The following CYB5B variants were observed in gnomAD, a reference collection of about 807,000 sequenced individuals.
CYB5B encodes the protein cytochrome b5 type B (outer mitochondrial membrane).
In CYB5B, 14 loss-of-function variants were observed where a neutral mutation model predicts 21.3. The observed-to-expected ratio is 0.66, with a 90% CI of 0.43 to 1.03. CYB5B has a LOEUF of 1.03. Ranked by LOEUF, CYB5B falls within the 50% of genes least tolerant of loss-of-function variation. The probability of loss-of-function intolerance (pLI) is 0.00; values close to 1 mark genes in which losing one functional copy is unlikely to be tolerated. For synonymous variants in CYB5B, 69 were observed against 68.4 expected (o/e 1.01, Z -0.04); for missense variants, 166 against 185.1 (o/e 0.90, Z 0.60).
intron 4 of CYB5B, among the ~76,000 whole-genome samples, chr16:69,460,401 A>C (rs1264207058): frequency 1.3e-5 from 2 of 152,252 alleles, no homozygotes; most frequent in Non-Finnish European, 2.9e-5. Context: ...ACAGAAAAGG[A>C]AACACAAATG....
intron 4 of CYB5B, among the ~76,000 whole-genome samples, chr16:69,460,189 G>A (rs1006104973): frequency 2.0e-5 from 3 of 151,510 alleles, no homozygotes; most frequent in African/African-American, 4.9e-5. Context: ...AGCCAAGATC[G>A]CTCCATTGCA....
intron 3 of CYB5B, chr16:69,448,417 AT>A: frequency 2.3e-6 from 1 of 429,150 alleles, no homozygotes; most frequent in East Asian, 4.3e-5. Flanking sequence ...TTTGAAAGAA[AT>A]TAGTTTATGG....
At chr16:69,435,330 G>A (rs1251828554) in intron 1 of CYB5B, among the ~76,000 whole-genome samples, 1 of 152,140 alleles carries the variant, frequency 6.6e-6, no homozygotes, top group Non-Finnish European at 1.5e-5. Context: ...ATACAAAATT[G>A]CATTTAATAC....
intron 3 of CYB5B, among the ~76,000 whole-genome samples, chr16:69,455,430 C>A: frequency 1.4e-5 from 2 of 138,052 alleles, no homozygotes; most frequent in African/African-American, 2.7e-5. Flanking sequence ...GGTGGGGGGA[C>A]GAAATCTCAC....
rs2014909086 is a variant in CYB5B at position 69,449,281 on chromosome 16, T to C, written c.333+1137T>C. On this transcript the variant is annotated intron_variant, in intron 3 of 4. Coordinates refer to ENST00000307892, the MANE Select transcript of CYB5B (RefSeq NM_030579.3). ...TTCTTCCTGTCTCAAGCTCTCAGTG[T>C]CTTAGTTCCCCTTCCCTGGAGGTAA... 2.0e-5 allele frequency: 3 copies of C among 152,344 alleles called. No homozygotes were observed. In the South Asian group the frequency reaches 6.2e-4, roughly 32 times the overall value. 9.4% of individuals were successfully genotyped at this position (152,344 alleles called of 1,614,324 possible). A position where few individuals can be genotyped will look rare whatever the true frequency, so the allele number is the denominator to read the frequency against.
intron 3 of CYB5B, among the ~76,000 whole-genome samples, chr16:69,453,239 A>AT (rs2014953306): frequency 6.6e-6 from 1 of 151,898 alleles, no homozygotes; most frequent in Non-Finnish European, 1.5e-5. Context: ...TTAAAGTTAC[A>AT]TTTTTTCTCC....
chr16:69,457,279 A>G (rs1406687643), intron 3 of CYB5B, among the ~76,000 whole-genome samples: 2 of 152,342 alleles, frequency 1.3e-5, no homozygotes, highest in East Asian at 3.9e-4. Context: ...AGAGGCTAAA[A>G]GCTTTGAAAT....
At chr16:69,433,529 C>T (rs756806739) in intron 1 of CYB5B, among the ~76,000 whole-genome samples, 12 of 152,128 alleles carry the variant, frequency 7.9e-5, no homozygotes, top group Non-Finnish European at 1.6e-4. Context: ...TAACTGGCAT[C>T]CCTCCTCCTC....
At chr16:69,446,592 G>A (rs1341008241) in intron 1 of CYB5B, among the ~76,000 whole-genome samples, 1 of 152,172 alleles carries the variant, frequency 6.6e-6, no homozygotes, top group Admixed American at 6.5e-5. Context: ...CCAAAGTGCT[G>A]GGATTACAGG....
At chr16:69,442,822 A>G (rs557285822) in intron 1 of CYB5B, among the ~76,000 whole-genome samples, 1,331 of 128,508 alleles carry the variant, frequency 0.01, 15 homozygotes, top group African/African-American at 0.039. Flanking sequence ...GTGCCTAGCT[A>G]TCCTTTTTTT....
At chr16:69,439,974 T>C (rs1395125693) in intron 1 of CYB5B, among the ~76,000 whole-genome samples, 4 of 152,172 alleles carry the variant, frequency 2.6e-5, no homozygotes, top group African/African-American at 7.2e-5. Context: ...GCTCAAGCAA[T>C]CTTTCTGCCT....
intron 1 of CYB5B, among the ~76,000 whole-genome samples, chr16:69,434,940 G>T (rs1308310343): frequency 6.6e-6 from 1 of 151,590 alleles, no homozygotes; most frequent in Non-Finnish European, 1.5e-5. Flanking sequence ...TTTTCCTGAT[G>T]ACTAATGATG....
chr16:69,447,072 A>G, intron 1 of CYB5B, 78 bp from the exon 2 acceptor site: 1 of 1,512,030 alleles, frequency 6.6e-7, no homozygotes, highest in Non-Finnish European at 9.0e-7. Flanking sequence ...GGAGAAAGGA[A>G]GAAGGGGGTA....
chr16:69,457,414 A>T (rs927894675), intron 3 of CYB5B, among the ~76,000 whole-genome samples: 27 of 152,196 alleles, frequency 1.8e-4, no homozygotes, highest in African/African-American at 6.5e-4. Context: ...TAAAAATAGT[A>T]ACTACATTTT....
rs1427291168 is a variant in CYB5B, at chr16:69,424,734, G to T, written c.51G>T (p.Gly17=). The change falls in exon 1 of 5, where the codon GGG becomes GGT. Residue 17 remains glycine (G), a synonymous_variant. Transcript: ENST00000307892. ...AAGCTAGCGGCAGCGATGGGAAAGG[G>T]CAGGAAGTCGAGACCTCAGTCACCT... The part of the protein sequence containing the change: ...TAEASGSDGK[G]QEVETSVTYY... 6 of 1,600,274 alleles carry T rather than the reference G, an allele frequency of 3.7e-6. No individual in the cohort carries two copies. The highest frequency in any genetic ancestry group is 4.3e-6 in the Non-Finnish European group (5 of 1,173,536).
At chr16:69,459,715 G>C (rs2015015549) in intron 4 of CYB5B, 1 of 152,164 alleles carries the variant, frequency 6.6e-6, no homozygotes, top group South Asian at 2.1e-4. Flanking sequence ...TATCTTTGTG[G>C]AGATTATATA....
intron 1 of CYB5B, among the ~76,000 whole-genome samples, chr16:69,433,127 G>C (rs1178963121): frequency 6.6e-6 from 1 of 152,160 alleles, no homozygotes; most frequent in Non-Finnish European, 1.5e-5. Flanking sequence ...CGTACCCTAG[G>C]ATCTGCCTCA....
At chr16:69,438,300 T>C (rs968809523) in intron 1 of CYB5B, among the ~76,000 whole-genome samples, 2 of 152,236 alleles carry the variant, frequency 1.3e-5, no homozygotes, top group Non-Finnish European at 2.9e-5. Flanking sequence ...TCTATTCATC[T>C]GTTTATAGGC....
chr16:69,449,301 A>T (rs987813543), intron 3 of CYB5B: 5 of 152,096 alleles, frequency 3.3e-5, no homozygotes, highest in African/African-American at 7.2e-5. Context: ...CCTTCCCTGG[A>T]GGTAACCAGC....
Sources: gnomAD v4.1 joint callset for allele counts (sites outside exome capture counted in the v4.1 genomes callset) on GRCh38, gnomAD v4.1.1 for gene constraint, MANE v1.5 for transcripts, NCBI Gene and HGNC (gene_info 2026-07-23, HGNC 2026-07-21) for gene names.